Variants in EXOC3 observed in about 807,000 individuals in gnomAD.
The protein encoded by EXOC3 is exocyst complex component 3.
EXOC3 carries 21 observed loss-of-function variants against 73.7 expected under a neutral mutation model. The ratio of observed to expected loss-of-function variants is 0.29; its 90% CI spans 0.20 to 0.41. EXOC3 has a LOEUF of 0.41. Among genes scored for constraint, EXOC3 ranks in the 10% least tolerant of loss-of-function variants. The pLI is 1.00. For missense variants in EXOC3, 842 were observed against 985.1 expected, an observed-to-expected ratio of 0.85 and a Z score of 1.95; for synonymous variants, 410 against 389.1, an observed-to-expected ratio of 1.05 and a Z score of -0.63.
chr5:453,330 G>A, intron 3 of EXOC3, 40 bp from the exon 4 acceptor site: 2 of 1,489,726 alleles, frequency 1.3e-6, no homozygotes, highest in Non-Finnish European at 1.8e-6. Flanking sequence ...CTTTTATGTG[G>A]TGGTGGTTGT....
intron 9 of EXOC3, among the ~76,000 whole-genome samples, chr5:463,089 G>C (rs1738037726): frequency 6.6e-6 from 1 of 152,130 alleles, no homozygotes; most frequent in African/African-American, 2.4e-5. Context: ...TGGGCAACAA[G>C]AGCAAACTCC....
In EXOC3 at chr5:447,725, G is replaced by A. The variant is rs372946771; in HGVS notation, c.337G>A (p.Val113Met). ...GCAGCACAGCCAGCTCGCCGCAGCC[G>A]TGGAGAACCTCAAGAACATCTTCTC... Reference protein sequence around the residue: ...VVQHSQLAAAVENLKNIFSVP... With the variant: ...VVQHSQLAAAMENLKNIFSVP... The change falls in exon 3 of 13, where the codon GTG becomes ATG. Residue 113 changes from valine (V) to methionine (M), a missense_variant. By Grantham distance (21) the Val-to-Met change is conservative. Coordinates refer to ENST00000512944, the MANE Select transcript of EXOC3 (RefSeq NM_007277.5). 1.4e-4 allele frequency: 224 copies of A among 1,576,290 alleles called. No individual in the cohort carries two copies. The highest frequency in any genetic ancestry group is 8.7e-4 in the Admixed American group (48 of 55,046).
At chr5:450,075 G>A (rs1282627024) in intron 3 of EXOC3, among the ~76,000 whole-genome samples, 7 of 152,046 alleles carry the variant, frequency 4.6e-5, no homozygotes, top group Non-Finnish European at 7.4e-5. Flanking sequence ...GTGAAACCCC[G>A]TCTCTACTAA....
At chr5:464,881 CCTG>C (rs1333419769) in intron 10 of EXOC3, 9 of 580,810 alleles carry the variant, frequency 1.5e-5, no homozygotes, top group South Asian at 4.3e-5. Context: ...CCGCGTCTGT[CCTG>C]CTGGGGGCCG....
chr5:447,326 G>T (rs958935903), intron 2 of EXOC3: 3 of 557,910 alleles, frequency 5.4e-6, no homozygotes, highest in Non-Finnish European at 9.6e-6. Flanking sequence ...ATGCATCATT[G>T]TTCTGTTCCC....
chr5:459,542 CTGT>C (rs1391268118), intron 7 of EXOC3, 83 bp downstream of exon 7: 1 of 626,852 alleles, frequency 1.6e-6, no homozygotes, highest in Non-Finnish European at 2.8e-6. Flanking sequence ...CCTACTATGC[CTGT>C]TACTAAGAAG....
chr5:461,828 T>C, intron 7 of EXOC3, 132 bp from the exon 8 acceptor site: 1 of 643,154 alleles, frequency 1.6e-6, no homozygotes, highest in South Asian at 1.9e-5. Flanking sequence ...TAAAGATTGT[T>C]TTATTTTTAG....
At chr5:444,353 A>AG (rs941544479) in intron 1 of EXOC3, among the ~76,000 whole-genome samples, 2 of 152,234 alleles carry the variant, frequency 1.3e-5, no homozygotes, top group African/African-American at 4.8e-5. Context: ...TCTGACTCCA[A>AG]GGCGAGCCCT....
At chr5:457,227 T>C in intron 5 of EXOC3, 2 of 557,522 alleles carry the variant, frequency 3.6e-6, no homozygotes, top group South Asian at 2.0e-5. Flanking sequence ...TGTCCTCTGC[T>C]GGAGACGTGA....
intron 7 of EXOC3, among the ~76,000 whole-genome samples, chr5:461,161 A>C (rs1369090735): frequency 8.4e-6 from 1 of 119,602 alleles, no homozygotes; most frequent in Non-Finnish European, 1.7e-5. Context: ...AGTGTATAGT[A>C]AATAAAATAA....
At chr5:461,081 G>C (rs1209290572) in intron 7 of EXOC3, among the ~76,000 whole-genome samples, 22 of 152,108 alleles carry the variant, frequency 1.4e-4, no homozygotes, top group Admixed American at 1.4e-3. Flanking sequence ...ATGATTTCAG[G>C]GACAGTTTCT....
rs945071447 is a variant in EXOC3 at position 464,946 on chromosome 5, C to T, written c.1777-165C>T. On this transcript the variant is annotated intron_variant, in intron 10 of 12. Transcript: ENST00000512944. ...TCACCGTCACTGTTCCCCCACTGAG[C>T]CCCCGCTCCTCCTCTGCGGTGAGAT... 4.2e-6 allele frequency: 3 copies of T among 718,200 alleles called. No individual in the cohort carries two copies. The African/African-American group carries it at 5.4e-5, about 13-fold the overall frequency. 44.5% of individuals were successfully genotyped at this position (718,200 alleles called of 1,614,324 possible). A position where few individuals can be genotyped will look rare whatever the true frequency, so the allele number is the denominator to read the frequency against.
intron 7 of EXOC3, chr5:459,685 T>C (rs997396691): frequency 1.0e-5 from 4 of 393,624 alleles, no homozygotes; most frequent in African/African-American, 6.2e-5. Flanking sequence ...AGCTGATGTG[T>C]TGTGACGTCC....
chr5:456,947 C>T lies in EXOC3; in HGVS notation c.1105C>T (p.Pro369Ser), dbSNP rs1737837121. The T allele has an allele frequency of 6.2e-7, 1 of 1,614,040 alleles. No homozygotes were observed. Among genetic ancestry groups the T allele is most frequent in the South Asian group, 1.1e-5 (1 of 91,080 alleles). Residue 369 changes from proline (P) to serine (S), a missense_variant, in exon 5 of 13, where the codon CCA becomes TCA. Transcript: ENST00000512944. ...APEVDVGTLE[P>S]LLSPHVVSEL... ...GGAAGTGGATGTCGGCACCCTGGAG[C>T]CATTGCTTTCTCCACACGTGGTCTC...
In EXOC3 at chr5:454,052, GTAAAGC is replaced by G; in HGVS notation, c.1046+5_1046+10del. 6.3e-7 allele frequency: 1 copy of G among 1,594,018 alleles called. No individual in the cohort carries two copies. The highest frequency in any genetic ancestry group is 8.5e-7 in the Non-Finnish European group (1 of 1,170,218). ...CGTGGGTCTTAAACACCTACACAAG[GTAAAGC>G]TAACCTGGCGCCTGTGTTGGCTCTT... On this transcript the variant is annotated splice_donor_variant and splice_donor_5th_base_variant and intron_variant, in intron 4 of 12. Transcript: ENST00000512944. LOFTEE classifies it high-confidence loss of function.
rs1738172636 is a variant in EXOC3 at position 467,014 on chromosome 5, CTT to C, written c.*118_*119del. 2 of 1,083,240 alleles carry C rather than the reference CTT, an allele frequency of 1.8e-6. No individual in the cohort carries two copies. Among genetic ancestry groups the C allele is most frequent in the South Asian group, 3.1e-5 (2 of 64,100 alleles). The allele number at this position is 1,083,240 out of a possible 1,614,324, so 67.1% of individuals were successfully genotyped here. A position where few individuals can be genotyped will look rare whatever the true frequency, so the allele number is the denominator to read the frequency against. On this transcript the variant is annotated 3_prime_UTR_variant, in exon 13 of 13. Coordinates refer to ENST00000512944, the MANE Select transcript of EXOC3 (RefSeq NM_007277.5). ...TGCTCCTTTTAGCTGCACGGCCTGT[CTT>C]TAGGTGCCAGTGTGATGCACCGGGT...
intron 2 of EXOC3, chr5:447,239 C>G: frequency 3.1e-6 from 1 of 322,312 alleles, no homozygotes; most frequent in Non-Finnish European, 5.7e-6. Flanking sequence ...CCAGGGCAGA[C>G]CCGTGGTAGT....
intron 10 of EXOC3, 60 bp from the exon 11 acceptor site, chr5:465,051 G>T: frequency 6.8e-7 from 1 of 1,473,664 alleles, no homozygotes; most frequent in South Asian, 1.3e-5. Flanking sequence ...GGGTTTCAAT[G>T]AGGGTGCTCC....
At chr5:453,333 G>T in intron 3 of EXOC3, 37 bp from the exon 4 acceptor site, 1 of 1,499,886 alleles carries the variant, frequency 6.7e-7, no homozygotes, top group Non-Finnish European at 9.0e-7. Flanking sequence ...TTATGTGGTG[G>T]TGGTTGTTTA....
Sources: gnomAD v4.1 joint callset for allele counts (sites outside exome capture counted in the v4.1 genomes callset) on GRCh38, gnomAD v4.1.1 for gene constraint, MANE v1.5 for transcripts, NCBI Gene and HGNC (gene_info 2026-07-23, HGNC 2026-07-21) for gene names.